SMYD3: variants seen among roughly 807,000 people sequenced by gnomAD.
SMYD3 encodes the protein SET and MYND domain containing 3.
A neutral mutation model predicts 57.7 loss-of-function variants in SMYD3; 36 were observed. The ratio of observed to expected loss-of-function variants is 0.62; its 90% CI spans 0.48 to 0.82. The LOEUF is 0.82. Ranked by LOEUF, SMYD3 falls within the 40% of genes least tolerant of loss-of-function variation. The probability of loss-of-function intolerance (pLI) is 0.00; values close to 1 mark genes in which losing one functional copy is unlikely to be tolerated. For missense variants in SMYD3, 515 were observed against 538.8 expected, an observed-to-expected ratio of 0.96 and a Z score of 0.44; for synonymous variants, 211 against 195.0, an observed-to-expected ratio of 1.08 and a Z score of -0.68.
At chr1:246,501,892 C>T (rs1185241047) in intron 1 of SMYD3, among the ~76,000 whole-genome samples, 1 of 152,230 alleles carries the variant, frequency 6.6e-6, no homozygotes, top group Non-Finnish European at 1.5e-5. Context: ...TTTCCAATCT[C>T]TCCTAAGGCT....
chr1:245,993,153 A>C (rs969448302), intron 5 of SMYD3, among the ~76,000 whole-genome samples: 4 of 152,104 alleles, frequency 2.6e-5, no homozygotes, highest in African/African-American at 9.7e-5. Flanking sequence ...GAAGCGTTAC[A>C]CCCTTATTAA....
At chr1:246,256,770 T>C (rs2063902108) in intron 5 of SMYD3, among the ~76,000 whole-genome samples, 1 of 143,674 alleles carries the variant, frequency 7.0e-6, no homozygotes, top group Admixed American at 7.3e-5. Flanking sequence ...AATCATTAAA[T>C]TGGGATCTTT....
intron 5 of SMYD3, among the ~76,000 whole-genome samples, chr1:246,159,429 C>T (rs901061977): frequency 1.3e-5 from 2 of 152,114 alleles, no homozygotes; most frequent in Admixed American, 6.6e-5. Flanking sequence ...CCTTCCTATC[C>T]GCAAATAGTA....
At chr1:246,356,785 T>A (rs2065916339) in intron 1 of SMYD3, among the ~76,000 whole-genome samples, 1 of 151,968 alleles carries the variant, frequency 6.6e-6, no homozygotes, top group Non-Finnish European at 1.5e-5. Context: ...ATCCAAGAAG[T>A]TTGGAACTAT....
chr1:245,841,400 A>G (rs1355031349), intron 10 of SMYD3, among the ~76,000 whole-genome samples: 1 of 152,202 alleles, frequency 6.6e-6, no homozygotes, highest in East Asian at 1.9e-4. Flanking sequence ...ACTTTGCTTA[A>G]AATTTTAAGC....
chr1:246,186,674 G>T, intron 5 of SMYD3: 1 of 865,324 alleles, frequency 1.2e-6, no homozygotes, highest in Non-Finnish European at 1.4e-6. Flanking sequence ...ATGAAAACTT[G>T]ACCTGTGAGA....
At chr1:246,184,032 T>C (rs2062594706) in intron 5 of SMYD3, among the ~76,000 whole-genome samples, 1 of 152,186 alleles carries the variant, frequency 6.6e-6, no homozygotes, top group Non-Finnish European at 1.5e-5. Context: ...ACTCCACCTA[T>C]CCACGTCCCA....
At chr1:245,779,092 G>A (rs1039130983) in intron 10 of SMYD3, among the ~76,000 whole-genome samples, 1 of 151,674 alleles carries the variant, frequency 6.6e-6, no homozygotes, top group Non-Finnish European at 1.5e-5. Flanking sequence ...CCCAGAAGGA[G>A]GAGGGTGCAA....
At chr1:246,056,219 C>T (rs1179887502) in intron 5 of SMYD3, among the ~76,000 whole-genome samples, 1 of 152,056 alleles carries the variant, frequency 6.6e-6, no homozygotes, top group Non-Finnish European at 1.5e-5. Flanking sequence ...AAAAAAGACA[C>T]TAGCAAATTA....
At chr1:245,846,837 C>T (rs112580989) in intron 10 of SMYD3, among the ~76,000 whole-genome samples, 5,497 of 152,292 alleles carry the variant, frequency 0.036, 317 homozygotes, top group African/African-American at 0.13. Flanking sequence ...GTTTATCTCA[C>T]GTTGGGAGGA....
chr1:245,920,089 G>GCA (rs1165824704), intron 7 of SMYD3, among the ~76,000 whole-genome samples: 29 of 152,048 alleles, frequency 1.9e-4, no homozygotes, highest in Non-Finnish European at 2.6e-4. Context: ...CAAGGCGGTA[G>GCA]GATCACGAGG....
At chr1:246,304,435 T>A (rs956349139) in intron 5 of SMYD3, among the ~76,000 whole-genome samples, 1 of 152,106 alleles carries the variant, frequency 6.6e-6, no homozygotes, top group African/African-American at 2.4e-5. Context: ...TGTGTACATA[T>A]GCCATAAAAG....
chr1:246,073,784 T>G (rs1027412910), intron 5 of SMYD3, among the ~76,000 whole-genome samples: 2 of 152,108 alleles, frequency 1.3e-5, no homozygotes, highest in African/African-American at 4.8e-5. Context: ...CATTTGGAAT[T>G]ATGGCATTCA....
chr1:245,949,397 A>G (rs150182648), intron 5 of SMYD3, among the ~76,000 whole-genome samples: 1,563 of 152,056 alleles, frequency 0.01, 32 homozygotes, highest in African/African-American at 0.036. Context: ...TAACAACCAC[A>G]CCACCCAGAG....
intron 10 of SMYD3, among the ~76,000 whole-genome samples, chr1:245,764,793 C>T (rs2045999635): frequency 6.6e-6 from 1 of 152,062 alleles, no homozygotes; most frequent in Non-Finnish European, 1.5e-5. Context: ...CCATACTGGA[C>T]CCTTTCACAT....
chr1:245,861,636 C>T (rs968957813), intron 9 of SMYD3, among the ~76,000 whole-genome samples: 2 of 152,188 alleles, frequency 1.3e-5, no homozygotes, highest in African/African-American at 2.4e-5. Flanking sequence ...ATGTTCTGCG[C>T]GTCTGCACAG....
At chr1:246,506,997 C>CT in intron 1 of SMYD3, 57 bp downstream of exon 1, 1 of 308,908 alleles carries the variant, frequency 3.2e-6, no homozygotes. Flanking sequence ...ACGCCCCCCC[C>CT]TCCCCAGCAC....
chr1:246,181,206 T>A (rs2062546084), intron 5 of SMYD3, among the ~76,000 whole-genome samples: 1 of 152,150 alleles, frequency 6.6e-6, no homozygotes, highest in African/African-American at 2.4e-5. Context: ...AATCAATGTC[T>A]CGCCTAGAGT....
intron 5 of SMYD3, among the ~76,000 whole-genome samples, chr1:246,298,057 C>T (rs958842863): frequency 6.6e-6 from 1 of 152,032 alleles, no homozygotes; most frequent in African/African-American, 2.4e-5. Context: ...CTGCTCTTTT[C>T]CTCTCTTGCT....
Sources: allele counts gnomAD v4.1 joint callset (sites outside exome capture counted in the v4.1 genomes callset), GRCh38; gene constraint gnomAD v4.1.1; transcripts MANE v1.5; gene names NCBI Gene and HGNC (gene_info 2026-07-23, HGNC 2026-07-21).